SLC39A11: variants seen among roughly 807,000 people sequenced by gnomAD.
The protein encoded by SLC39A11 is zinc transporter ZIP11.
A neutral mutation model predicts 36.1 loss-of-function variants in SLC39A11; 33 were observed. The observed-to-expected ratio is 0.91, with a 90% CI of 0.69 to 1.22. SLC39A11 has a LOEUF of 1.22. Among genes scored for constraint, SLC39A11 ranks in the 50% most tolerant of loss-of-function variants. The probability of loss-of-function intolerance (pLI) is 0.00; values close to 1 mark genes in which losing one functional copy is unlikely to be tolerated. For missense variants in SLC39A11, 432 were observed against 430.3 expected (o/e 1.00, Z -0.03); for synonymous variants, 166 against 170.3 (o/e 0.97, Z 0.20).
At chr17:72,695,485 G>A (rs1449813669) in intron 7 of SLC39A11, among the ~76,000 whole-genome samples, 1 of 152,192 alleles carries the variant, frequency 6.6e-6, no homozygotes, top group African/African-American at 2.4e-5. Context: ...GTACTAACTG[G>A]GCATTATGGC....
At chr17:73,004,204 AAAGAAAGAAAGAAAG>A (rs1286843050) in intron 4 of SLC39A11, among the ~76,000 whole-genome samples, 2 of 127,454 alleles carry the variant, frequency 1.6e-5, no homozygotes, top group African/African-American at 5.7e-5. Flanking sequence ...AGAAAGAAAG[AAAGAAAGAAAGAAAG>A]AAAGAAAGAA....
intron 5 of SLC39A11, among the ~76,000 whole-genome samples, chr17:72,868,233 TA>T (rs2080410706): frequency 6.6e-6 from 1 of 152,158 alleles, no homozygotes; most frequent in East Asian, 1.9e-4. Flanking sequence ...CCATGCTAAC[TA>T]TTCCAGAGAA....
At chr17:73,005,686 C>G (rs564314331) in intron 4 of SLC39A11, among the ~76,000 whole-genome samples, 1 of 152,214 alleles carries the variant, frequency 6.6e-6, no homozygotes, top group Non-Finnish European at 1.5e-5. Flanking sequence ...TGGTGGCTCA[C>G]GCCTGTAATC....
intron 5 of SLC39A11, among the ~76,000 whole-genome samples, chr17:72,923,711 C>T (rs1400811389): frequency 2.0e-5 from 3 of 151,990 alleles, no homozygotes; most frequent in Non-Finnish European, 4.4e-5. Context: ...GTCCATTTGA[C>T]GAAGTACTAC....
chr17:73,025,245 C>T (rs1383138994), intron 4 of SLC39A11, among the ~76,000 whole-genome samples: 1 of 152,170 alleles, frequency 6.6e-6, no homozygotes, highest in African/African-American at 2.4e-5. Flanking sequence ...AGGAGACAGC[C>T]TCAGGGTCAC....
At chr17:72,725,431 G>A (rs2073885229) in intron 7 of SLC39A11, 1 of 152,138 alleles carries the variant, frequency 6.6e-6, no homozygotes, top group Admixed American at 6.5e-5. Context: ...AAAAATCAGG[G>A]TATAACAGCC....
At chr17:72,818,398 C>T (rs1435918691) in intron 6 of SLC39A11, among the ~76,000 whole-genome samples, 1 of 152,110 alleles carries the variant, frequency 6.6e-6, no homozygotes, top group Admixed American at 6.6e-5. Context: ...CAGGTGTGGA[C>T]AAGCACCTGC....
chr17:72,783,819 A>G (rs1201384267), intron 6 of SLC39A11, among the ~76,000 whole-genome samples: 1 of 152,160 alleles, frequency 6.6e-6, no homozygotes, highest in East Asian at 1.9e-4. Flanking sequence ...AAGAATTAAG[A>G]GGAACTGAGA....
At chr17:73,060,677 T>G (rs965622777) in intron 3 of SLC39A11, among the ~76,000 whole-genome samples, 1 of 152,206 alleles carries the variant, frequency 6.6e-6, no homozygotes, top group African/African-American at 2.4e-5. Context: ...TTAGGCTTAT[T>G]TAGTATACTA....
chr17:73,025,042 C>A (rs1231040538), intron 4 of SLC39A11, among the ~76,000 whole-genome samples: 3 of 152,004 alleles, frequency 2.0e-5, no homozygotes, highest in African/African-American at 7.3e-5. Flanking sequence ...TCAAAGTACA[C>A]ACGCACACTG....
In SLC39A11 at chr17:72,976,924, A is replaced by C. The variant is rs147327009; in HGVS notation, c.307-29049T>G. 2.3e-3 allele frequency among the ~76,000 whole-genome samples: 353 copies of C among 152,360 alleles called. No homozygotes were observed. The Middle Eastern group carries it at 0.027, about 12-fold the overall frequency. On this transcript the variant is annotated intron_variant, in intron 4 of 9. Transcript: ENST00000255559. ...ATTATATATTGTAACCAATGTTACA[A>C]AGGGACAGGAGTGGTGGGAATTTCT...
chr17:72,657,385 G>T (rs1567911485), intron 7 of SLC39A11, among the ~76,000 whole-genome samples: 1 of 151,968 alleles, frequency 6.6e-6, no homozygotes, highest in Non-Finnish European at 1.5e-5. Flanking sequence ...ACAAACAAAA[G>T]ATAAATAAAT....
intron 6 of SLC39A11, among the ~76,000 whole-genome samples, chr17:72,804,856 C>T (rs968189743): frequency 3.3e-5 from 5 of 152,132 alleles, no homozygotes; most frequent in African/African-American, 1.2e-4. Context: ...CCCGTCTCTA[C>T]TAAAAATACA....
intron 7 of SLC39A11, among the ~76,000 whole-genome samples, chr17:72,662,521 AAG>A (rs894101816): frequency 7.9e-5 from 10 of 126,380 alleles, no homozygotes; most frequent in African/African-American, 3.1e-4. Context: ...AAAGAGAAGA[AAG>A]AGAAAGAAAG....
At chr17:72,932,569 A>G (rs1237939155) in intron 5 of SLC39A11, among the ~76,000 whole-genome samples, 1 of 151,482 alleles carries the variant, frequency 6.6e-6, no homozygotes, top group Non-Finnish European at 1.5e-5. Context: ...AAATGTGCTC[A>G]ATGACTCAAT....
At chr17:72,695,361 G>C (rs1250507494) in intron 7 of SLC39A11, among the ~76,000 whole-genome samples, 1 of 152,240 alleles carries the variant, frequency 6.6e-6, no homozygotes, top group Non-Finnish European at 1.5e-5. Flanking sequence ...TAAGCTCCAT[G>C]AGGGAAGGAG....
At chr17:72,799,286 G>T (rs140159748) in intron 6 of SLC39A11, among the ~76,000 whole-genome samples, 1 of 151,952 alleles carries the variant, frequency 6.6e-6, no homozygotes, top group African/African-American at 2.4e-5. Flanking sequence ...TGTCACCTCG[G>T]GACCACTGTG....
rs199981287 is a variant in SLC39A11, at chr17:73,009,605, T to TG, written c.306+21950dup. Among the ~76,000 whole-genome samples the TG allele has an allele frequency of 6.2e-3, 948 of 151,910 alleles. 11 individuals are homozygous for TG. Among genetic ancestry groups the TG allele is most frequent in the African/African-American group, 0.022 (894 of 41,454 alleles). On this transcript the variant is annotated intron_variant, in intron 4 of 9. Transcript: ENST00000255559. ...TGGCTTAATAGGCATGGGGTTTCCT[T>TG]GGGGGGGTGATGAAAATGTGTGGAA...
intron 6 of SLC39A11, among the ~76,000 whole-genome samples, chr17:72,847,537 C>T (rs371555893): frequency 3.3e-5 from 5 of 151,980 alleles, no homozygotes; most frequent in African/African-American, 1.2e-4. Context: ...TACCTATGAT[C>T]GTATGATAGA....
Sources: allele counts gnomAD v4.1 joint callset (sites outside exome capture counted in the v4.1 genomes callset), GRCh38; gene constraint gnomAD v4.1.1; transcripts MANE v1.5; gene names NCBI Gene and HGNC (gene_info 2026-07-23, HGNC 2026-07-21).